The following IGF2R variants were observed in gnomAD, a reference collection of about 807,000 sequenced individuals.
IGF2R encodes cation-independent mannose-6-phosphate receptor.
In IGF2R, 91 loss-of-function variants were observed where a neutral mutation model predicts 270.6. That is an observed-to-expected ratio of 0.34 (90% CI 0.28 to 0.40). The LOEUF (loss-of-function observed/expected upper bound fraction) is 0.40, where lower values mean the gene tolerates loss of function less well. IGF2R is among the 10% of genes least tolerant of loss of function. IGF2R has a pLI of 1.00. For synonymous variants in IGF2R, 1,316 were observed against 1,258.9 expected, an observed-to-expected ratio of 1.05 and a Z score of -0.96; for missense variants, 2,805 against 3,188.3, an observed-to-expected ratio of 0.88 and a Z score of 2.90.
rs566496642 is a variant in IGF2R, at chr6:159,994,553, A to G, written c.289+3230A>G. Among the ~76,000 whole-genome samples, 7 of 148,608 alleles carry G rather than the reference A, an allele frequency of 4.7e-5. No individual in the cohort carries two copies. The South Asian group carries it at 1.5e-3, about 31-fold the overall frequency. On this transcript the variant is annotated intron_variant, in intron 2 of 47. Coordinates refer to ENST00000356956, the MANE Select transcript of IGF2R (RefSeq NM_000876.4). The stretch of plus-strand genomic sequence containing the variant: ...GGTTACATTAGGTCATTAATTTGTG[A>G]TCTTTATTTTTGATGTAGGCATTTA...
In IGF2R at chr6:160,050,551, C is replaced by T; in HGVS notation, c.2593C>T (p.Leu865Phe). Residue 865 changes from leucine (L) to phenylalanine (F), a missense_variant, in exon 19 of 48, where the codon CTC becomes TTC. Leu to Phe is a conservative substitution (Grantham distance 22, BLOSUM62 0). Coordinates refer to ENST00000356956, the MANE Select transcript of IGF2R (RefSeq NM_000876.4). The surrounding 1 kb of genome is among the most constrained non-coding windows in gnomAD (Gnocchi z 4.0). ...TGPVVEDSGS[L>F]LLEYVNGSAC... ...CCCGGTGGTTGAGGACAGCGGCAGC[C>T]TCCTTCTGGAATACGTGAATGGGTC... 6.2e-7 allele frequency: 1 copy of T among 1,614,130 alleles called. No homozygotes were observed. The highest frequency in any genetic ancestry group is 1.3e-5 in the African/African-American group (1 of 75,044).
chr6:160,090,184 G>T (rs2114731282), intron 44 of IGF2R, 81 bp downstream of exon 44: 1 of 1,024,560 alleles, frequency 9.8e-7, no homozygotes, highest in East Asian at 2.9e-5. Flanking sequence ...ACTCCCTTCA[G>T]TTGAAATCTC....
intron 27 of IGF2R, among the ~76,000 whole-genome samples, 152 bp from the exon 28 acceptor site, chr6:160,064,247 AGT>A (rs1257770592): frequency 6.6e-6 from 1 of 152,178 alleles, no homozygotes; most frequent in Non-Finnish European, 1.5e-5. Context: ...TTATTCCCAA[AGT>A]GTAATGTGAC....
chr6:160,035,190 G>A (rs896751168), intron 10 of IGF2R, among the ~76,000 whole-genome samples: 3 of 152,182 alleles, frequency 2.0e-5, no homozygotes, highest in Non-Finnish European at 4.4e-5. Flanking sequence ...CAGGCACCCT[G>A]CAGGGCATCC....
At chr6:160,044,407 T>G in intron 12 of IGF2R, 107 bp from the exon 13 acceptor site, 3 of 1,057,216 alleles carry the variant, frequency 2.8e-6, no homozygotes, top group Non-Finnish European at 4.1e-6. Context: ...TTTGGGCTGA[T>G]TTCTTTCTTT....
At chr6:160,079,228 G>T (rs1330199290) in intron 37 of IGF2R, among the ~76,000 whole-genome samples, 5 of 152,196 alleles carry the variant, frequency 3.3e-5, no homozygotes, top group Non-Finnish European at 7.3e-5. Flanking sequence ...CACTCACTTG[G>T]CCCGCACAAT....
In IGF2R at chr6:160,058,923, A is replaced by C. The variant is rs772663562; in HGVS notation, c.2916A>C (p.Thr972=). Residue 972 remains threonine, a synonymous_variant, in exon 22 of 48, where the codon ACA becomes ACC. Transcript: ENST00000356956. ...ACCTGCAGTTTAATGTCTGCGGCAC[A>C]ATGCCTGTCTGTGGGACCATCCTGG... is the stretch of plus-strand genomic sequence containing the variant. ...GKIFMFNVCG[T]MPVCGTILGK... is the part of the protein sequence containing the mutation. 3.7e-6 allele frequency: 6 copies of C among 1,614,236 alleles called. No individual in the cohort carries two copies. The highest frequency in any genetic ancestry group is 5.1e-6 in the Non-Finnish European group (6 of 1,180,022).
intron 20 of IGF2R, among the ~76,000 whole-genome samples, chr6:160,056,848 T>C (rs1219505939): frequency 6.6e-6 from 1 of 152,188 alleles, no homozygotes; most frequent in Non-Finnish European, 1.5e-5. Context: ...GATGTCTGAC[T>C]AGTCGATACG....
chr6:160,009,096 G>A lies in IGF2R; in HGVS notation c.376G>A (p.Val126Ile), dbSNP rs1490891090. 1 of 1,613,902 alleles carries A rather than the reference G, an allele frequency of 6.2e-7. No homozygotes were observed. Among genetic ancestry groups the A allele is most frequent in the South Asian group, 1.1e-5 (1 of 91,078 alleles). The stretch of plus-strand genomic sequence containing the variant: ...TGACCAGCAAGGCACAAATCACAGA[G>A]TCCAGAGCAGCATTGCCTTCCTGTG... ...SCDQQGTNHR[V>I]QSSIAFLCGK... Residue 126 changes from valine to isoleucine, a missense_variant, in exon 3 of 48, where the codon GTC becomes ATC. Physicochemically the swap from Val to Ile is conservative, Grantham distance 29 (BLOSUM62 3). Coordinates refer to ENST00000356956, the MANE Select transcript of IGF2R (RefSeq NM_000876.4).
chr6:159,970,453 GTTC>G (rs1264043309), intron 1 of IGF2R, among the ~76,000 whole-genome samples: 73 of 152,022 alleles, frequency 4.8e-4, no homozygotes, highest in African/African-American at 1.7e-3. Flanking sequence ...TATGGGGGGG[GTTC>G]TTATTTTTCC....
Position 160,109,594 on chromosome 6 carries a change from T to C in IGF2R, c.*4510T>C, listed in dbSNP as rs1479355. On this transcript the variant is annotated 3_prime_UTR_variant, in exon 48 of 48. Coordinates refer to ENST00000356956, the MANE Select transcript of IGF2R (RefSeq NM_000876.4). ...GGGGACGGTACTGCCAGCTAAGCCT[T>C]AGTGCTGTTTCGGTGTTGACAGCTG... is the stretch of plus-strand genomic sequence containing the variant. The C allele has an allele frequency of 0.31, 47,089 of 152,054 alleles. 7,894 individuals carry two copies. The highest frequency in any genetic ancestry group is 0.52 in the East Asian group (2,660 of 5,160). The allele number at this position is 152,054 out of a possible 1,614,324, so 9.4% of individuals were successfully genotyped here.
Position 160,078,376 on chromosome 6 carries a change from C to G in IGF2R, c.5478+14C>G. The G allele has an allele frequency of 6.2e-7, 1 of 1,610,930 alleles. No individual in the cohort carries two copies. Among genetic ancestry groups the G allele is most frequent in the Non-Finnish European group, 8.5e-7 (1 of 1,177,514 alleles). The stretch of plus-strand genomic sequence containing the variant: ...AGCACCTTTAAGGTAATGCGTTCAC[C>G]CTGGGCGTTGCTGGTGCAGGTGTAC... On this transcript the variant is annotated intron_variant, in intron 37 of 47. Coordinates refer to ENST00000356956, the MANE Select transcript of IGF2R (RefSeq NM_000876.4).
Position 160,075,944 on chromosome 6 carries a change from A to G in IGF2R, c.5264A>G (p.His1755Arg), listed in dbSNP as rs1165490257. ...ESSTPCLADK[H>R]FNYTSLIAFH... Reference sequence around the variant, plus strand: ...AGTACTCCTTGCTTAGCGGACAAGCATTTCAACTACACCTCGCTCATCGCG... The same window carrying G: ...AGTACTCCTTGCTTAGCGGACAAGCGTTTCAACTACACCTCGCTCATCGCG... Residue 1755 changes from histidine (H) to arginine (R), a missense_variant, in exon 36 of 48, where the codon CAT becomes CGT. By Grantham distance (29) the His-to-Arg change is conservative (BLOSUM62 0). Transcript: ENST00000356956. The G allele has an allele frequency of 6.8e-6, 11 of 1,614,130 alleles. No homozygotes were observed. Among genetic ancestry groups the G allele is most frequent in the South Asian group, 1.1e-5 (1 of 91,092 alleles).
At chr6:159,984,641 C>T (rs1191890607) in intron 1 of IGF2R, among the ~76,000 whole-genome samples, 1 of 152,118 alleles carries the variant, frequency 6.6e-6, no homozygotes, top group African/African-American at 2.4e-5. Context: ...ACCATATAGC[C>T]TAGGTTTGTA....
chr6:160,046,388 C>T (rs962402223), intron 14 of IGF2R, 110 bp from the exon 15 acceptor site: 28 of 1,043,842 alleles, frequency 2.7e-5, no homozygotes, highest in Middle Eastern at 6.3e-4. Context: ...TTCTTCCTGC[C>T]GTTGGGAACC....
intron 17 of IGF2R, 41 bp downstream of exon 17, chr6:160,047,948 AT>A: frequency 7.9e-7 from 1 of 1,265,724 alleles, no homozygotes; most frequent in Non-Finnish European, 1.2e-6. Flanking sequence ...CCTGGTACAG[AT>A]GCTGAGGTTG....
Position 160,062,522 on chromosome 6 carries a change from T to C in IGF2R, c.3583-10T>C. ...CAGGAAACAAATCAGGCTGCTGATT[T>C]ATATTACAGGGCTCACCAGCATTTC... On this transcript the variant is annotated splice_polypyrimidine_tract_variant and intron_variant, in intron 25 of 47. Coordinates refer to ENST00000356956, the MANE Select transcript of IGF2R (RefSeq NM_000876.4). 1 of 1,605,732 alleles carries C rather than the reference T, an allele frequency of 6.2e-7. No individual in the cohort carries two copies. Among genetic ancestry groups the C allele is most frequent in the Non-Finnish European group, 8.5e-7 (1 of 1,172,532 alleles).
chr6:160,078,956 C>G (rs1459204846), intron 37 of IGF2R, among the ~76,000 whole-genome samples: 1 of 152,136 alleles, frequency 6.6e-6, no homozygotes, highest in Non-Finnish European at 1.5e-5. Flanking sequence ...CCCTGACTCC[C>G]TAAGCCTAGA....
At chr6:159,993,467 G>A (rs908481532) in intron 2 of IGF2R, among the ~76,000 whole-genome samples, 2 of 152,114 alleles carry the variant, frequency 1.3e-5, no homozygotes, top group Non-Finnish European at 2.9e-5. Context: ...ACCGTTTATT[G>A]AATAGGGTGT....
Sources: allele counts gnomAD v4.1 joint callset (sites outside exome capture counted in the v4.1 genomes callset), GRCh38; gene constraint gnomAD v4.1.1; non-coding constraint Gnocchi (gnomAD v3.1); transcripts MANE v1.5; gene names NCBI Gene and HGNC (gene_info 2026-07-23, HGNC 2026-07-21).